PTPRM: variants seen among roughly 807,000 people sequenced by gnomAD.
The protein encoded by PTPRM is receptor-type tyrosine-protein phosphatase mu.
A neutral mutation model predicts 186.7 loss-of-function variants in PTPRM; 47 were observed. The observed-to-expected ratio is 0.25, with a 90% CI of 0.20 to 0.32. The LOEUF is 0.32. Among genes scored for constraint, PTPRM ranks in the 10% least tolerant of loss-of-function variants. The pLI is 1.00. For synonymous variants in PTPRM, 668 were observed against 674.9 expected, an observed-to-expected ratio of 0.99 and a Z score of 0.16; for missense variants, 1,494 against 1,865.0, an observed-to-expected ratio of 0.80 and a Z score of 3.66.
At chr18:8,200,421 CATT>C (rs996488324) in intron 14 of PTPRM, among the ~76,000 whole-genome samples, 13 of 152,362 alleles carry the variant, frequency 8.5e-5, no homozygotes, top group Middle Eastern at 3.4e-3. Flanking sequence ...TGTCACAAGA[CATT>C]GTTGTTTTTA....
At position 8,379,296 on chromosome 18, in the gene PTPRM, A is replaced by G. The variant is rs1374290388; in HGVS notation, c.3742A>G (p.Ile1248Val). The G allele has an allele frequency of 6.2e-7, 1 of 1,613,938 alleles. No homozygotes were observed. The highest frequency in any genetic ancestry group is 1.1e-5 in the South Asian group (1 of 91,058). Residue 1248 changes from isoleucine to valine, a missense_variant, in exon 28 of 33, where the codon ATC (isoleucine) becomes GTC (valine). Physicochemically the swap from Ile to Val is conservative, Grantham distance 29. Around this residue, in one of 3 missense-constraint regions of PTPRM, gnomAD observed 1,107 missense variants for 1,350.2 expected, o/e 0.82. Transcript: ENST00000580170. ...PDRCLPFLIT[I>V]DGESSNYINA... ...CCGCTGCCTGCCCTTCCTCATCACCATCGATGGGGAGAGCAGCAACTACAT... is the reference window on the plus strand; with the variant it reads ...CCGCTGCCTGCCCTTCCTCATCACCGTCGATGGGGAGAGCAGCAACTACAT...
Position 7,567,984 on chromosome 18 carries a change from C to T in PTPRM, c.73+93C>T. On this transcript the variant is annotated intron_variant, in intron 1 of 32. Coordinates refer to ENST00000580170, the MANE Select transcript of PTPRM (RefSeq NM_001105244.2). This position sits in a 1 kb window ranked among gnomAD's most constrained non-coding sequence, Gnocchi z 4.3. Reference sequence around the variant, plus strand: ...GCTCCCTGGTGGTAGAGCCCTAAGGCTGGCGTCGGGGCCGGGCGGGGGGCG... The same window carrying T: ...GCTCCCTGGTGGTAGAGCCCTAAGGTTGGCGTCGGGGCCGGGCGGGGGGCG... 2 of 1,260,936 alleles carry T rather than the reference C, an allele frequency of 1.6e-6. No homozygotes were observed. Among genetic ancestry groups the T allele is most frequent in the Non-Finnish European group, 2.1e-6 (2 of 969,434 alleles). The allele number at this position is 1,260,936 out of a possible 1,614,324, so 78.1% of individuals were successfully genotyped here.
chr18:7,801,118 TA>T (rs1196887721), intron 2 of PTPRM, among the ~76,000 whole-genome samples: 1 of 152,144 alleles, frequency 6.6e-6, no homozygotes, highest in East Asian at 1.9e-4. Flanking sequence ...TATTTAAAAA[TA>T]TTTTCTTCAA....
chr18:7,703,585 G>C (rs147713462), intron 1 of PTPRM, among the ~76,000 whole-genome samples: 2,472 of 152,198 alleles, frequency 0.016, 69 homozygotes, highest in African/African-American at 0.056. Flanking sequence ...GAGATGATGG[G>C]GTTTTCTAAA....
intron 7 of PTPRM, among the ~76,000 whole-genome samples, chr18:7,979,383 C>T (rs565512544): frequency 2.0e-5 from 3 of 152,260 alleles, no homozygotes; most frequent in South Asian, 2.1e-4. Context: ...TAATTCTTAC[C>T]GATAGGTTCA....
intron 13 of PTPRM, among the ~76,000 whole-genome samples, chr18:8,118,656 CG>C (rs1242068610): frequency 6.6e-6 from 1 of 151,824 alleles, no homozygotes; most frequent in African/African-American, 2.4e-5. Context: ...AAAAATTAGC[CG>C]GGCGCAGTGG....
At chr18:7,652,799 T>C (rs369520889) in intron 1 of PTPRM, among the ~76,000 whole-genome samples, 13 of 150,670 alleles carry the variant, frequency 8.6e-5, no homozygotes, top group African/African-American at 3.2e-4. Context: ...ATATACCTAA[T>C]GTTAAATGAC....
intron 5 of PTPRM, among the ~76,000 whole-genome samples, chr18:7,943,652 C>T (rs2052338923): frequency 6.6e-6 from 1 of 152,150 alleles, no homozygotes; most frequent in Admixed American, 6.5e-5. Context: ...TGGGAAGAAT[C>T]TGGTCCTTGC....
intron 22 of PTPRM, among the ~76,000 whole-genome samples, chr18:8,327,737 A>G (rs578124574): frequency 4.6e-5 from 7 of 152,278 alleles, no homozygotes; most frequent in South Asian, 2.1e-4. Context: ...GTCAGCTTCT[A>G]TTCTTAGAAA....
chr18:7,849,543 C>A (rs2046764900), intron 2 of PTPRM, among the ~76,000 whole-genome samples: 2 of 152,130 alleles, frequency 1.3e-5, no homozygotes, highest in Admixed American at 1.3e-4. Context: ...TCTGGGGATG[C>A]CAGTACTAAC....
chr18:8,396,123 A>G (rs1480636947), intron 32 of PTPRM, among the ~76,000 whole-genome samples: 1 of 152,220 alleles, frequency 6.6e-6, no homozygotes. Context: ...CCCTCCCTGC[A>G]ATCCCACCTG....
At chr18:7,718,762 G>A (rs2040391367) in intron 1 of PTPRM, among the ~76,000 whole-genome samples, 1 of 152,054 alleles carries the variant, frequency 6.6e-6, no homozygotes, top group Admixed American at 6.6e-5. Context: ...AAGAATAGAT[G>A]ATTCTTAAAA....
At chr18:7,891,107 T>G in intron 3 of PTPRM, among the ~76,000 whole-genome samples, 2 of 128,334 alleles carry the variant, frequency 1.6e-5, no homozygotes, top group Admixed American at 7.3e-5. Flanking sequence ...CGAAATCCAG[T>G]GTCTCCAAAA....
chr18:7,587,816 A>G (rs904241441), intron 1 of PTPRM, among the ~76,000 whole-genome samples: 2 of 152,192 alleles, frequency 1.3e-5, no homozygotes, highest in African/African-American at 2.4e-5. Flanking sequence ...AGTGAACAAT[A>G]TATGATTCCA....
chr18:7,967,881 TGCA>T (rs1281872072), intron 7 of PTPRM, among the ~76,000 whole-genome samples: 1 of 76,438 alleles, frequency 1.3e-5, no homozygotes, highest in East Asian at 3.1e-4. Context: ...GAAAACACTC[TGCA>T]GGATATTATC....
At chr18:7,837,598 G>C (rs946247772) in intron 2 of PTPRM, among the ~76,000 whole-genome samples, 1 of 152,074 alleles carries the variant, frequency 6.6e-6, no homozygotes, top group Admixed American at 6.5e-5. Context: ...GGGACTACAG[G>C]CGCATGCCAC....
intron 1 of PTPRM, among the ~76,000 whole-genome samples, chr18:7,670,245 C>A (rs543342389): frequency 7.6e-4 from 116 of 152,022 alleles, no homozygotes; most frequent in African/African-American, 2.7e-3. Flanking sequence ...TTGGACTAGC[C>A]ACGTTTCAAG....
At chr18:8,172,435 C>T (rs916467385) in intron 14 of PTPRM, among the ~76,000 whole-genome samples, 2 of 151,892 alleles carry the variant, frequency 1.3e-5, no homozygotes, top group African/African-American at 4.8e-5. Context: ...TGTTTCAAGA[C>T]CCAGAGCTGT....
At chr18:8,177,286 A>G (rs1158562896) in intron 14 of PTPRM, among the ~76,000 whole-genome samples, 1 of 152,212 alleles carries the variant, frequency 6.6e-6, no homozygotes, top group Non-Finnish European at 1.5e-5. Context: ...TATTCATTCA[A>G]CACATTTTTT....
Sources: allele counts gnomAD v4.1 joint callset (sites outside exome capture counted in the v4.1 genomes callset), GRCh38; gene constraint gnomAD v4.1.1; regional missense constraint gnomAD v4.1.1; non-coding constraint Gnocchi (gnomAD v3.1); transcripts MANE v1.5; gene names NCBI Gene and HGNC (gene_info 2026-07-23, HGNC 2026-07-21).